The following GNB1 variants were observed in gnomAD, a reference collection of about 807,000 sequenced individuals.
GNB1 encodes the protein G protein subunit beta 1, also known as guanine nucleotide-binding protein G(I)/G(S)/G(T) subunit beta-1.
A neutral mutation model predicts 42.9 loss-of-function variants in GNB1; 2 were observed. That is an observed-to-expected ratio of 0.05 (90% CI 0.02 to 0.15). The LOEUF (loss-of-function observed/expected upper bound fraction) is 0.15, where lower values mean the gene tolerates loss of function less well. Among genes scored for constraint, GNB1 ranks in the 10% least tolerant of loss-of-function variants. GNB1 has a pLI of 1.00. For synonymous variants in GNB1, 183 were observed against 174.7 expected (o/e 1.05, Z -0.38); for missense variants, 193 against 462.2 (o/e 0.42, Z 5.34).
chr1:1,847,282 AC>A (rs1259571393), intron 1 of GNB1, among the ~76,000 whole-genome samples: 2 of 152,214 alleles, frequency 1.3e-5, no homozygotes, highest in Non-Finnish European at 2.9e-5. Context: ...TGGTTGTGGA[AC>A]AAGACTGGGA....
intron 1 of GNB1, among the ~76,000 whole-genome samples, chr1:1,845,767 A>G (rs1358433699): frequency 6.8e-6 from 1 of 147,318 alleles, no homozygotes; most frequent in African/African-American, 2.5e-5. Flanking sequence ...GAATTTGGAG[A>G]CAATGGAAAT....
At chr1:1,852,864 C>T (rs990825000) in intron 1 of GNB1, among the ~76,000 whole-genome samples, 2 of 152,092 alleles carry the variant, frequency 1.3e-5, no homozygotes, top group Admixed American at 6.6e-5. Context: ...CTTCTGAACC[C>T]TCAACTGGTT....
chr1:1,810,126 G>A (rs2100776344), intron 5 of GNB1, among the ~76,000 whole-genome samples: 1 of 152,088 alleles, frequency 6.6e-6, no homozygotes, highest in Middle Eastern at 3.4e-3. Context: ...ACCCAGGCTG[G>A]AGGATCTCGG....
chr1:1,824,981 T>C (rs528910384), intron 3 of GNB1: 1 of 158,912 alleles, frequency 6.3e-6, no homozygotes, highest in African/African-American at 2.4e-5. Context: ...AAAAAATACA[T>C]CAGATATACC....
At chr1:1,794,724 T>G (rs1646524197) in intron 7 of GNB1, among the ~76,000 whole-genome samples, 1 of 152,208 alleles carries the variant, frequency 6.6e-6, no homozygotes, top group Non-Finnish European at 1.5e-5. Context: ...CAGAGTCTCG[T>G]GCTGTCGCCA....
chr1:1,874,718 G>A (rs1490313156), intron 1 of GNB1, among the ~76,000 whole-genome samples: 1 of 151,354 alleles, frequency 6.6e-6, no homozygotes, highest in Non-Finnish European at 1.5e-5. Context: ...TTGAGCCTGT[G>A]AGGCGGAGTT....
chr1:1,843,766 A>G (rs142549597), intron 1 of GNB1, among the ~76,000 whole-genome samples: 418 of 152,282 alleles, frequency 2.7e-3, no homozygotes, highest in African/African-American at 9.8e-3. Context: ...CTAAACCAGT[A>G]GCACTACCCT....
intron 1 of GNB1, among the ~76,000 whole-genome samples, chr1:1,888,600 G>A (rs1434042697): frequency 6.6e-6 from 1 of 152,210 alleles, no homozygotes; most frequent in African/African-American, 2.4e-5. Flanking sequence ...CACTTTGGCA[G>A]ATCAAGGCGG....
intron 1 of GNB1, among the ~76,000 whole-genome samples, chr1:1,843,960 C>T (rs1247666131): frequency 6.6e-6 from 1 of 152,030 alleles, no homozygotes; most frequent in Non-Finnish European, 1.5e-5. Context: ...CTTTGGGAGG[C>T]CGAGGCGGGC....
chr1:1,839,008 C>T (rs1004898211), intron 2 of GNB1, among the ~76,000 whole-genome samples, 182 bp downstream of exon 2: 4 of 152,140 alleles, frequency 2.6e-5, no homozygotes, highest in African/African-American at 9.7e-5. Flanking sequence ...ATAGCCTCAG[C>T]TACTCAGGAT....
chr1:1,888,710 T>C (rs368597615), intron 1 of GNB1, among the ~76,000 whole-genome samples: 1 of 152,020 alleles, frequency 6.6e-6, no homozygotes, highest in South Asian at 2.1e-4. Flanking sequence ...GTGGTGGTGG[T>C]AGCTGTAATC....
At chr1:1,851,498 T>C (rs1647982217) in intron 1 of GNB1, among the ~76,000 whole-genome samples, 1 of 151,340 alleles carries the variant, frequency 6.6e-6, no homozygotes, top group Non-Finnish European at 1.5e-5. Flanking sequence ...GGAGAATCGC[T>C]TGAACCTGGG....
At chr1:1,841,634 CAGT>C (rs756575249) in intron 1 of GNB1, among the ~76,000 whole-genome samples, 2 of 152,186 alleles carry the variant, frequency 1.3e-5, no homozygotes, top group Non-Finnish European at 2.9e-5. Context: ...AGTCTGGAGT[CAGT>C]AGATGAATCA....
intron 2 of GNB1, among the ~76,000 whole-genome samples, chr1:1,832,665 T>A (rs896853924): frequency 1.3e-5 from 2 of 152,172 alleles, no homozygotes; most frequent in African/African-American, 4.8e-5. Context: ...AGCCCAGGCC[T>A]CTCATCCAGA....
At chr1:1,795,292 A>G (rs1286716277) in intron 7 of GNB1, among the ~76,000 whole-genome samples, 1 of 152,064 alleles carries the variant, frequency 6.6e-6, no homozygotes, top group Non-Finnish European at 1.5e-5. Context: ...CCCTTGCTTC[A>G]GGGAAGCACC....
At chr1:1,879,432 C>T (rs977444315) in intron 1 of GNB1, among the ~76,000 whole-genome samples, 4 of 152,160 alleles carry the variant, frequency 2.6e-5, no homozygotes, top group Admixed American at 2.0e-4. Flanking sequence ...CTAGGCCGGG[C>T]GCAGTGGCTC....
At chr1:1,822,437 G>A (rs993352410) in intron 3 of GNB1, among the ~76,000 whole-genome samples, 1 of 151,186 alleles carries the variant, frequency 6.6e-6, no homozygotes, top group African/African-American at 2.4e-5. Flanking sequence ...CAAGTAGTTG[G>A]GACTACAGGC....
chr1:1,796,736 G>A (rs1388531117), intron 7 of GNB1, among the ~76,000 whole-genome samples: 2 of 152,216 alleles, frequency 1.3e-5, no homozygotes, highest in African/African-American at 4.8e-5. Context: ...AGGGCACAAA[G>A]GTGGCACCAA....
chr1:1,872,715 C>T (rs1649316008), intron 1 of GNB1, among the ~76,000 whole-genome samples: 1 of 152,114 alleles, frequency 6.6e-6, no homozygotes, highest in Non-Finnish European at 1.5e-5. Context: ...AAACCAAGTG[C>T]CCTCTCCACC....
Sources: gnomAD v4.1 joint callset for allele counts (sites outside exome capture counted in the v4.1 genomes callset) on GRCh38, gnomAD v4.1.1 for gene constraint, MANE v1.5 for transcripts, NCBI Gene and HGNC (gene_info 2026-07-23, HGNC 2026-07-21) for gene names.